LDLRAD3: variants seen among roughly 807,000 people sequenced by gnomAD.
The protein encoded by LDLRAD3 is low density lipoprotein receptor class A domain containing 3.
Under a neutral mutation model 29.4 loss-of-function variants are expected in LDLRAD3, and 20 were observed. The observed-to-expected ratio is 0.68, with a 90% confidence interval of 0.48 to 0.99. The LOEUF (loss-of-function observed/expected upper bound fraction) is 0.99, where lower values mean the gene tolerates loss of function less well. LDLRAD3 is among the 50% of genes least tolerant of loss of function. The pLI, the probability that LDLRAD3 is intolerant of heterozygous loss-of-function variation, is 0.00. For synonymous variants in LDLRAD3, 157 were observed against 192.7 expected, an observed-to-expected ratio of 0.81 and a Z score of 1.53; for missense variants, 420 against 454.3, an observed-to-expected ratio of 0.92 and a Z score of 0.69.
At chr11:35,977,187 A>T (rs1590700055) in intron 1 of LDLRAD3, among the ~76,000 whole-genome samples, 1 of 152,246 alleles carries the variant, frequency 6.6e-6, no homozygotes, top group East Asian at 1.9e-4. Flanking sequence ...TGTGCTAAGT[A>T]CCTCATGGCC....
intron 2 of LDLRAD3, among the ~76,000 whole-genome samples, chr11:36,056,688 C>T (rs973219425): frequency 2.0e-5 from 3 of 152,202 alleles, no homozygotes; most frequent in African/African-American, 7.2e-5. Flanking sequence ...GACTTAGCTC[C>T]TCAGCCCTGA....
chr11:35,953,656 G>A (rs983704635), intron 1 of LDLRAD3, among the ~76,000 whole-genome samples: 3 of 152,094 alleles, frequency 2.0e-5, no homozygotes, highest in Non-Finnish European at 2.9e-5. Context: ...TCCACAGTCC[G>A]TTGAAAAAAG....
chr11:36,047,350 A>G (rs951204169), intron 2 of LDLRAD3, among the ~76,000 whole-genome samples: 1 of 152,226 alleles, frequency 6.6e-6, no homozygotes, highest in Non-Finnish European at 1.5e-5. Flanking sequence ...CACCGTCTTG[A>G]TCATTCTAAG....
In LDLRAD3 at chr11:36,020,083, C is replaced by T. The variant is rs77239235; in HGVS notation, c.47-16020C>T. ...TATCACATGCAAAGTCCTTGTGCCC[C>T]GGAGTTCTGGAGGCAAGCTTTTACC... On this transcript the variant is annotated intron_variant, in intron 1 of 5. Coordinates refer to ENST00000315571, the MANE Select transcript of LDLRAD3 (RefSeq NM_174902.4). Among the ~76,000 whole-genome samples, 1,122 of 152,108 alleles carry T rather than the reference C, an allele frequency of 7.4e-3. 9 individuals carry two copies. The highest frequency in any genetic ancestry group is 9.7e-3 in the African/African-American group (404 of 41,498).
chr11:35,975,810 A>G (rs1287736181), intron 1 of LDLRAD3, among the ~76,000 whole-genome samples: 1 of 151,424 alleles, frequency 6.6e-6, no homozygotes. Context: ...GCTGCCCAGG[A>G]ACAGGAGGGA....
chr11:36,089,406 T>G (rs941615648), intron 3 of LDLRAD3, among the ~76,000 whole-genome samples: 1 of 151,030 alleles, frequency 6.6e-6, no homozygotes, highest in African/African-American at 2.4e-5. Context: ...CTTTTAACTA[T>G]TATATGAATG....
At chr11:36,024,121 C>T (rs1190959122) in intron 1 of LDLRAD3, among the ~76,000 whole-genome samples, 2 of 152,104 alleles carry the variant, frequency 1.3e-5, no homozygotes, top group East Asian at 1.9e-4. Flanking sequence ...AGGCTACACC[C>T]ACTCTAGAGA....
intron 4 of LDLRAD3, among the ~76,000 whole-genome samples, chr11:36,102,188 G>A (rs368882720): frequency 7.2e-5 from 11 of 151,924 alleles, no homozygotes; most frequent in African/African-American, 1.7e-4. Flanking sequence ...GCACCCGGCC[G>A]ACCCACTGCC....
chr11:36,040,664 G>C (rs569499549), intron 2 of LDLRAD3, among the ~76,000 whole-genome samples: 3 of 152,124 alleles, frequency 2.0e-5, no homozygotes, highest in Non-Finnish European at 4.4e-5. Context: ...CTTTCCCTCT[G>C]TTTTGAGAAA....
chr11:35,959,396 A>G (rs1590684506), intron 1 of LDLRAD3, among the ~76,000 whole-genome samples: 1 of 152,298 alleles, frequency 6.6e-6, no homozygotes, highest in South Asian at 2.1e-4. Context: ...AGAACTTAAC[A>G]CACAGTATTG....
intron 2 of LDLRAD3, among the ~76,000 whole-genome samples, chr11:36,040,867 A>C: frequency 6.6e-6 from 1 of 152,292 alleles, no homozygotes; most frequent in South Asian, 2.1e-4. Context: ...TTTCTGGTTA[A>C]TTTAATAATT....
chr11:36,144,101 G>C (rs1286693170), intron 4 of LDLRAD3, among the ~76,000 whole-genome samples: 1 of 152,016 alleles, frequency 6.6e-6, no homozygotes, highest in Admixed American at 6.5e-5. Context: ...ACTGGTTTTC[G>C]TATTTTTTTG....
intron 4 of LDLRAD3, among the ~76,000 whole-genome samples, chr11:36,144,519 T>C (rs1175790396): frequency 4.7e-5 from 7 of 149,712 alleles, no homozygotes; most frequent in African/African-American, 1.5e-4. Context: ...GTCTGAGATG[T>C]GGGGAGCGCC....
At chr11:35,959,124 G>A (rs1274395224) in intron 1 of LDLRAD3, among the ~76,000 whole-genome samples, 1 of 152,160 alleles carries the variant, frequency 6.6e-6, no homozygotes, top group Non-Finnish European at 1.5e-5. Context: ...GAGAAGGAAC[G>A]CCGTCTCCCA....
chr11:36,040,795 A>G (rs1457280775), intron 2 of LDLRAD3, among the ~76,000 whole-genome samples: 2 of 152,250 alleles, frequency 1.3e-5, no homozygotes, highest in East Asian at 1.9e-4. Flanking sequence ...TGTTGGCAAC[A>G]TGTGAAAACT....
chr11:36,198,040 G>C (rs1342512656), intron 4 of LDLRAD3: 1 of 152,248 alleles, frequency 6.6e-6, no homozygotes, highest in Non-Finnish European at 1.5e-5. Flanking sequence ...AACAGAGGGA[G>C]ACCCTGTCTC....
At chr11:36,199,282 G>C (rs1291929518) in intron 4 of LDLRAD3, among the ~76,000 whole-genome samples, 4 of 152,148 alleles carry the variant, frequency 2.6e-5, no homozygotes, top group Non-Finnish European at 5.9e-5. Context: ...TGCTCCTAGG[G>C]TCTTAAGAGA....
At chr11:35,953,601 C>T (rs975871247) in intron 1 of LDLRAD3, among the ~76,000 whole-genome samples, 4 of 152,162 alleles carry the variant, frequency 2.6e-5, no homozygotes, top group African/African-American at 9.7e-5. Flanking sequence ...CGTCGTTAAA[C>T]TAATTGGACA....
At chr11:36,031,885 A>G (rs899489017) in intron 1 of LDLRAD3, among the ~76,000 whole-genome samples, 3 of 152,220 alleles carry the variant, frequency 2.0e-5, no homozygotes, top group Admixed American at 6.5e-5. Context: ...AACATAGCAA[A>G]GTCCACAGAC....
Sources: allele counts gnomAD v4.1 joint callset (sites outside exome capture counted in the v4.1 genomes callset), GRCh38; gene constraint gnomAD v4.1.1; transcripts MANE v1.5; gene names NCBI Gene and HGNC (gene_info 2026-07-23, HGNC 2026-07-21).